KCNN2: variants seen among roughly 807,000 people sequenced by gnomAD.
The protein encoded by KCNN2 is potassium calcium-activated channel subfamily N member 2, also known as small conductance calcium-activated potassium channel protein 2.
KCNN2 carries 24 observed loss-of-function variants against 55.5 expected under a neutral mutation model. The ratio of observed to expected loss-of-function variants is 0.43; its 90% CI spans 0.31 to 0.61. The LOEUF (loss-of-function observed/expected upper bound fraction) is 0.61, where lower values mean the gene tolerates loss of function less well. Among genes scored for constraint, KCNN2 ranks in the 20% least tolerant of loss-of-function variants. KCNN2 has a pLI of 0.08. For missense variants in KCNN2, 754 were observed against 853.6 expected (o/e 0.88, Z 1.45); for synonymous variants, 431 against 336.1 (o/e 1.28, Z -3.09).
chr5:114,483,698 G>A (rs1156464501), intron 5 of KCNN2, among the ~76,000 whole-genome samples: 1 of 144,082 alleles, frequency 6.9e-6, no homozygotes, highest in Non-Finnish European at 1.5e-5. Context: ...CAGAGCAAAT[G>A]TTCTTATTTT....
At chr5:114,116,373 G>A (rs11241264) in intron 1 of KCNN2, among the ~76,000 whole-genome samples, 25,728 of 152,120 alleles carry the variant, frequency 0.17, 2,253 homozygotes, top group Middle Eastern at 0.22. Flanking sequence ...TGTAGAATTG[G>A]AATTAAAATT....
At chr5:114,400,866 T>C (rs1758764895) in intron 2 of KCNN2, among the ~76,000 whole-genome samples, 1 of 152,230 alleles carries the variant, frequency 6.6e-6, no homozygotes, top group South Asian at 2.1e-4. Flanking sequence ...TCTACTGTCA[T>C]CTCTAATGCA....
intron 1 of KCNN2, among the ~76,000 whole-genome samples, chr5:114,120,641 T>C (rs1376075168): frequency 6.6e-6 from 1 of 152,160 alleles, no homozygotes; most frequent in African/African-American, 2.4e-5. Context: ...ATTTATACTT[T>C]GGGAACCTGA....
intron 3 of KCNN2, among the ~76,000 whole-genome samples, chr5:114,450,781 G>A (rs1010932366): frequency 6.6e-6 from 1 of 152,120 alleles, no homozygotes; most frequent in African/African-American, 2.4e-5. Context: ...GCTGCCTTGG[G>A]CCAGGGATGC....
chr5:114,057,402 T>C lies in KCNN2; in HGVS notation c.-271+902T>C, dbSNP rs1306545728. Among the ~76,000 whole-genome samples the C allele has an allele frequency of 2.0e-5, 3 of 152,326 alleles. No homozygotes were observed. In the East Asian group the frequency reaches 5.8e-4, roughly 29 times the overall value. On this transcript the variant is annotated intron_variant, in intron 1 of 10. Transcript: ENST00000512097. ...AGAAACAGATGATTAAGTAATTTAT[T>C]CATAATCATACAGTTAGTAAGTGGG...
chr5:114,448,452 C>G (rs533490037), intron 3 of KCNN2, among the ~76,000 whole-genome samples: 6 of 152,286 alleles, frequency 3.9e-5, no homozygotes, highest in Non-Finnish European at 7.3e-5. Flanking sequence ...GCATTGAAGT[C>G]TATATTTTAG....
intron 1 of KCNN2, among the ~76,000 whole-genome samples, chr5:114,090,911 C>T (rs1300028285): frequency 2.0e-5 from 3 of 152,120 alleles, no homozygotes; most frequent in Non-Finnish European, 4.4e-5. Context: ...AGCCTCAACT[C>T]ACTGCAGCCT....
At chr5:114,491,924 T>G (rs1242500170) in intron 6 of KCNN2, among the ~76,000 whole-genome samples, 1 of 152,148 alleles carries the variant, frequency 6.6e-6, no homozygotes, top group Non-Finnish European at 1.5e-5. Context: ...ACCCTATTAA[T>G]TACTGAGAGA....
At chr5:114,493,824 A>G (rs975278398) in intron 7 of KCNN2, among the ~76,000 whole-genome samples, 9 of 152,152 alleles carry the variant, frequency 5.9e-5, no homozygotes, top group African/African-American at 2.2e-4. Context: ...TGTGACTGTG[A>G]TATTCAGGAA....
At chr5:114,341,865 A>G (rs1221932344) in intron 2 of KCNN2, among the ~76,000 whole-genome samples, 1 of 151,856 alleles carries the variant, frequency 6.6e-6, no homozygotes, top group Non-Finnish European at 1.5e-5. Flanking sequence ...GTTGGTTAAA[A>G]TAGAGCATAA....
intron 1 of KCNN2, among the ~76,000 whole-genome samples, chr5:114,129,980 G>C (rs1752037954): frequency 1.3e-5 from 2 of 152,126 alleles, no homozygotes; most frequent in South Asian, 4.1e-4. Context: ...CTCTACTCTT[G>C]TTTCTAACCT....
chr5:114,414,051 A>G (rs1759220832), intron 3 of KCNN2, among the ~76,000 whole-genome samples: 1 of 152,216 alleles, frequency 6.6e-6, no homozygotes, highest in Non-Finnish European at 1.5e-5. Flanking sequence ...TTAGACATAA[A>G]TAGGGCTTGG....
At chr5:114,159,667 G>T (rs1459176384) in intron 1 of KCNN2, among the ~76,000 whole-genome samples, 2 of 152,054 alleles carry the variant, frequency 1.3e-5, no homozygotes, top group East Asian at 3.9e-4. Flanking sequence ...TTTAATTATT[G>T]CCTTAATTTC....
intron 1 of KCNN2, among the ~76,000 whole-genome samples, chr5:114,133,832 C>G (rs1272751490): frequency 3.9e-5 from 6 of 152,134 alleles, no homozygotes; most frequent in Non-Finnish European, 7.3e-5. Flanking sequence ...AGTAAGGAGT[C>G]CGATGGTATT....
At chr5:114,217,033 A>T (rs1431194007) in intron 1 of KCNN2, among the ~76,000 whole-genome samples, 2 of 152,138 alleles carry the variant, frequency 1.3e-5, no homozygotes, top group African/African-American at 4.8e-5. Context: ...AAATAAAATA[A>T]TTAGGTATAA....
intron 1 of KCNN2, among the ~76,000 whole-genome samples, chr5:114,062,100 C>CTT (rs35235217): frequency 2.2e-4 from 31 of 143,388 alleles, no homozygotes; most frequent in Middle Eastern, 3.7e-3. Flanking sequence ...TATATGGGTT[C>CTT]TTTTTTTTTT....
chr5:114,352,266 C>T (rs1757218349), intron 2 of KCNN2, among the ~76,000 whole-genome samples: 1 of 151,548 alleles, frequency 6.6e-6, no homozygotes, highest in Non-Finnish European at 1.5e-5. Flanking sequence ...TAGTGATGCC[C>T]TCTATTTATT....
intron 7 of KCNN2, among the ~76,000 whole-genome samples, chr5:114,494,788 A>G (rs961255321): frequency 1.3e-5 from 2 of 152,180 alleles, no homozygotes; most frequent in African/African-American, 4.8e-5. Flanking sequence ...AAGACTATGT[A>G]GTAAAATTAA....
chr5:114,396,534 A>G (rs1461248728), intron 2 of KCNN2, among the ~76,000 whole-genome samples: 2 of 148,836 alleles, frequency 1.3e-5, no homozygotes, highest in African/African-American at 4.9e-5. Context: ...ATATAAGCAT[A>G]GTACCCAATA....
Sources: gnomAD v4.1 joint callset for allele counts (sites outside exome capture counted in the v4.1 genomes callset) on GRCh38, gnomAD v4.1.1 for gene constraint, MANE v1.5 for transcripts, NCBI Gene and HGNC (gene_info 2026-07-23, HGNC 2026-07-21) for gene names.